The following INPP5A variants were observed in gnomAD, a reference collection of about 807,000 sequenced individuals.
The protein encoded by INPP5A is inositol polyphosphate-5-phosphatase A.
A neutral mutation model predicts 65.2 loss-of-function variants in INPP5A; 14 were observed. That is an observed-to-expected ratio of 0.21 (90% CI 0.14 to 0.34). The LOEUF is 0.34. Among genes scored for constraint, INPP5A ranks in the 10% least tolerant of loss-of-function variants. The pLI is 1.00. For missense variants in INPP5A, 431 were observed against 545.6 expected (o/e 0.79, Z 2.09); for synonymous variants, 207 against 208.3 (o/e 0.99, Z 0.05).
chr10:132,769,689 T>C (rs1178423104), intron 12 of INPP5A, among the ~76,000 whole-genome samples: 1 of 152,126 alleles, frequency 6.6e-6, no homozygotes, highest in Non-Finnish European at 1.5e-5. Context: ...GAGGCGGCGA[T>C]GGGCTTTCTT....
chr10:132,555,942 C>T lies in INPP5A; in HGVS notation c.75+17771C>T, dbSNP rs566696240. Among the ~76,000 whole-genome samples, 31 of 152,092 alleles carry T rather than the reference C, an allele frequency of 2.0e-4. No homozygotes were observed. The highest frequency in any genetic ancestry group is 4.0e-4 in the Non-Finnish European group (27 of 68,032). On this transcript the variant is annotated intron_variant, in intron 1 of 15. Transcript: ENST00000368594. This position sits in a 1 kb window ranked among gnomAD's most constrained non-coding sequence, Gnocchi z 4.4. Reference sequence around the variant, plus strand: ...TCTCACCTGCTGGAATTCACCTTGGCTCAGCGCTTGGTGCTTTTGATGGAG... The same window carrying T: ...TCTCACCTGCTGGAATTCACCTTGGTTCAGCGCTTGGTGCTTTTGATGGAG...
At chr10:132,596,594 A>AT (rs2071692071) in intron 1 of INPP5A, among the ~76,000 whole-genome samples, 1 of 151,926 alleles carries the variant, frequency 6.6e-6, no homozygotes, top group Non-Finnish European at 1.5e-5. Context: ...TGCCCGGCTA[A>AT]TTTTTTTGTA....
intron 4 of INPP5A, among the ~76,000 whole-genome samples, chr10:132,671,320 T>TGCCCTCCCTGCTTCGGCCTCC (rs2072887130): frequency 3.7e-5 from 4 of 108,668 alleles, no homozygotes; most frequent in Admixed American, 3.0e-4. Context: ...GCGAGGCTTG[T>TGCCCTCCCTGCTTCGGCCTCC]GCCCTCCCTG....
chr10:132,757,050 A>G (rs1846635183), intron 11 of INPP5A, among the ~76,000 whole-genome samples: 1 of 152,272 alleles, frequency 6.6e-6, no homozygotes, highest in Admixed American at 6.5e-5. Context: ...GCCAAGTACT[A>G]TTTGACAAAA....
chr10:132,565,743 G>A (rs551860186), intron 1 of INPP5A, among the ~76,000 whole-genome samples: 2 of 150,916 alleles, frequency 1.3e-5, no homozygotes, highest in South Asian at 4.2e-4. Flanking sequence ...GTGTGTGTGC[G>A]CCGTTGTGTG....
rs1031186089 is a variant in INPP5A at position 132,681,527 on chromosome 10, G to A, written c.307-8865G>A. Among the ~76,000 whole-genome samples the A allele has an allele frequency of 4.6e-5, 7 of 152,186 alleles. No homozygotes were observed. The East Asian group carries it at 5.8e-4, about 13-fold the overall frequency. On this transcript the variant is annotated intron_variant, in intron 4 of 15. Coordinates refer to ENST00000368594, the MANE Select transcript of INPP5A (RefSeq NM_005539.5). ...GCCTTTAAGAACTGTAACACTCACC[G>A]CGAGGGTCCGCGGCTTCATTCTTGA...
intron 2 of INPP5A, among the ~76,000 whole-genome samples, chr10:132,613,159 C>T (rs1001822292): frequency 6.6e-6 from 1 of 152,166 alleles, no homozygotes; most frequent in Non-Finnish European, 1.5e-5. Context: ...TTACTGTGAG[C>T]GTTGATAGTA....
chr10:132,621,078 T>C (rs1355285843), intron 2 of INPP5A, among the ~76,000 whole-genome samples: 1 of 152,232 alleles, frequency 6.6e-6, no homozygotes, highest in African/African-American at 2.4e-5. Flanking sequence ...TAACCATTTC[T>C]GATAAAAACT....
Position 132,575,196 on chromosome 10 carries a change from C to T in INPP5A, c.76-32719C>T, listed in dbSNP as rs990990916. Among the ~76,000 whole-genome samples, 1 of 152,142 alleles carries T rather than the reference C, an allele frequency of 6.6e-6. No homozygotes were observed. Among genetic ancestry groups the T allele is most frequent in the Non-Finnish European group, 1.5e-5 (1 of 67,984 alleles). ...TTCCTCCGCAGGCTGGCGTTTGCAC[C>T]GGCCTGGACACATCGCAACCCTGAC... is the stretch of plus-strand genomic sequence containing the variant. On this transcript the variant is annotated intron_variant, in intron 1 of 15. Transcript: ENST00000368594. The surrounding 1 kb of genome is among the most constrained non-coding windows in gnomAD (Gnocchi z 5.4).
chr10:132,576,354 G>C (rs1236964036), intron 1 of INPP5A, among the ~76,000 whole-genome samples: 1 of 152,260 alleles, frequency 6.6e-6, no homozygotes, highest in African/African-American at 2.4e-5. Flanking sequence ...TGCGGGCTTG[G>C]ACAGGTGCTG....
intron 4 of INPP5A, among the ~76,000 whole-genome samples, chr10:132,660,004 C>T (rs1000353766): frequency 6.6e-6 from 1 of 152,246 alleles, no homozygotes. Context: ...TTCTCATGCT[C>T]CGCCGACGCG....
intron 6 of INPP5A, among the ~76,000 whole-genome samples, chr10:132,699,734 C>G (rs562506908): frequency 1.3e-5 from 2 of 152,284 alleles, no homozygotes; most frequent in East Asian, 3.9e-4. Flanking sequence ...CTAGGGTCCT[C>G]CCAGGCAGCC....
intron 9 of INPP5A, among the ~76,000 whole-genome samples, chr10:132,736,797 C>T (rs1017310039): frequency 2.6e-5 from 4 of 152,274 alleles, no homozygotes; most frequent in African/African-American, 9.6e-5. Flanking sequence ...TAGGTAACAT[C>T]GCACCTGGTC....
Position 132,697,742 on chromosome 10 carries a change from A to G in INPP5A, c.371-74A>G, listed in dbSNP as rs1845368175. 9.5e-7 allele frequency: 1 copy of G among 1,047,446 alleles called. No homozygotes were observed. Among genetic ancestry groups the G allele is most frequent in the Non-Finnish European group, 1.5e-6 (1 of 683,668 alleles). The allele number at this position is 1,047,446 out of a possible 1,614,324, so 64.9% of individuals were successfully genotyped here. A position where few individuals can be genotyped will look rare whatever the true frequency, so the allele number is the denominator to read the frequency against. ...CCCATCGGGCTGAAGTCGGGTGGAA[A>G]CAGGTTGTGCTCCAGGCTGGTTGGA... On this transcript the variant is annotated intron_variant, in intron 5 of 15. Transcript: ENST00000368594. The surrounding 1 kb of genome is among the most constrained non-coding windows in gnomAD (Gnocchi z 5.6).
In INPP5A at chr10:132,763,574, CAT is replaced by C. The variant is rs148623662; in HGVS notation, c.904-2198_904-2197del. On this transcript the variant is annotated intron_variant, in intron 11 of 15. Coordinates refer to ENST00000368594, the MANE Select transcript of INPP5A (RefSeq NM_005539.5). ...ACATGTGCCTGCATGCAAACACACA[CAT>C]GCCTGTGCACACATAAACATGCCTG... is the stretch of plus-strand genomic sequence containing the variant. Among the ~76,000 whole-genome samples the C allele has an allele frequency of 2.8e-3, 433 of 152,210 alleles. 5 individuals are homozygous for C. The highest frequency in any genetic ancestry group is 8.5e-3 in the African/African-American group (352 of 41,520).
intron 9 of INPP5A, among the ~76,000 whole-genome samples, chr10:132,731,484 C>A (rs570562141): frequency 1.3e-5 from 2 of 152,030 alleles, no homozygotes; most frequent in Non-Finnish European, 2.9e-5. Flanking sequence ...GGAGTGACCG[C>A]ATCCCTCCTG....
intron 12 of INPP5A, among the ~76,000 whole-genome samples, chr10:132,771,541 A>G (rs1486950361): frequency 6.6e-6 from 1 of 152,236 alleles, no homozygotes; most frequent in African/African-American, 2.4e-5. Flanking sequence ...GGTCCCAGGG[A>G]CCCACAGGGG....
Position 132,757,660 on chromosome 10 carries a change from A to T in INPP5A, c.903+7815A>T, listed in dbSNP as rs186993978. On this transcript the variant is annotated intron_variant, in intron 11 of 15. Coordinates refer to ENST00000368594, the MANE Select transcript of INPP5A (RefSeq NM_005539.5). The stretch of plus-strand genomic sequence containing the variant: ...AGCCTGGAAGGATGACTTGGTGGCT[A>T]TTGAGGGCTGGACCACAGCGGAGCA... Among the ~76,000 whole-genome samples, 422 of 152,348 alleles carry T rather than the reference A, an allele frequency of 2.8e-3. 6 individuals carry two copies. Among genetic ancestry groups the T allele is most frequent in the African/African-American group, 8.6e-3 (357 of 41,592 alleles).
rs2070971969 is a variant in INPP5A, at chr10:132,546,391, G to A, written c.75+8220G>A. On this transcript the variant is annotated intron_variant, in intron 1 of 15. Coordinates refer to ENST00000368594, the MANE Select transcript of INPP5A (RefSeq NM_005539.5). The surrounding 1 kb of genome is among the most constrained non-coding windows in gnomAD (Gnocchi z 5.7). ...CCCCACCTCCAGGAGCATGGCCTCC[G>A]GATCAGCCTGTTACTTGAACCCTGA... Among the ~76,000 whole-genome samples the A allele has an allele frequency of 6.6e-6, 1 of 152,036 alleles. No homozygotes were observed. The highest frequency in any genetic ancestry group is 2.4e-5 in the African/African-American group (1 of 41,406).
Sources: allele counts gnomAD v4.1 joint callset (sites outside exome capture counted in the v4.1 genomes callset), GRCh38; gene constraint gnomAD v4.1.1; non-coding constraint Gnocchi (gnomAD v3.1); transcripts MANE v1.5; gene names NCBI Gene and HGNC (gene_info 2026-07-23, HGNC 2026-07-21).